LPIN2: variants seen among roughly 807,000 people sequenced by gnomAD.
The protein encoded by LPIN2 is lipin 2.
LPIN2 carries 55 observed loss-of-function variants against 111.4 expected under a neutral mutation model. That is an observed-to-expected ratio of 0.49 (90% CI 0.40 to 0.62). The LOEUF is 0.62. Ranked by LOEUF, LPIN2 falls within the 20% of genes least tolerant of loss-of-function variation. LPIN2 has a pLI of 0.00. For missense variants in LPIN2, 992 were observed against 1,112.1 expected (o/e 0.89, Z 1.54); for synonymous variants, 425 against 414.0 (o/e 1.03, Z -0.32).
chr18:2,966,864 G>A (rs189577430), intron 1 of LPIN2, among the ~76,000 whole-genome samples: 5 of 152,162 alleles, frequency 3.3e-5, no homozygotes, highest in Non-Finnish European at 7.3e-5. Context: ...TTTTACCAAA[G>A]AACATGCCAT....
At chr18:2,947,426 C>T (rs1216971017) in intron 4 of LPIN2, among the ~76,000 whole-genome samples, 1 of 152,142 alleles carries the variant, frequency 6.6e-6, no homozygotes, top group Non-Finnish European at 1.5e-5. Context: ...TTAAGCCCAA[C>T]GCCCATCTTT....
chr18:2,960,174 ATGTGTG>A (rs59457524), intron 2 of LPIN2, among the ~76,000 whole-genome samples: 4,827 of 136,552 alleles, frequency 0.035, 102 homozygotes, highest in Admixed American at 0.044. Context: ...CGACTCAAAA[ATGTGTG>A]TGTGTGTGTG....
chr18:2,993,858 C>G (rs2078302357), intron 1 of LPIN2, among the ~76,000 whole-genome samples: 3 of 152,224 alleles, frequency 2.0e-5, no homozygotes, highest in Non-Finnish European at 2.9e-5. Context: ...ACATGCAAAC[C>G]AGCAGCATAC....
Position 2,925,633 on chromosome 18 carries a change from G to A in LPIN2, c.1794-265C>T, listed in dbSNP as rs932785220. ...CTGCTATGCCCAGTGAATGCTAGAAGGTCTACTGACTCTTGTTGAAGAGGG... is the reference window on the plus strand; with the variant it reads ...CTGCTATGCCCAGTGAATGCTAGAAAGTCTACTGACTCTTGTTGAAGAGGG... On this transcript the variant is annotated intron_variant, in intron 13 of 19. Transcript: ENST00000677752. This position sits in a 1 kb window ranked among gnomAD's most constrained non-coding sequence, Gnocchi z 4.1. Among the ~76,000 whole-genome samples the A allele has an allele frequency of 5.9e-5, 9 of 152,168 alleles. No homozygotes were observed. Among genetic ancestry groups the A allele is most frequent in the African/African-American group, 2.2e-4 (9 of 41,442 alleles).
At chr18:3,004,295 C>T (rs2078478362) in intron 1 of LPIN2, among the ~76,000 whole-genome samples, 1 of 152,112 alleles carries the variant, frequency 6.6e-6, no homozygotes, top group African/African-American at 2.4e-5. Flanking sequence ...CTTTTAAAAT[C>T]CCTAATAAAA....
At chr18:2,938,793 T>G (rs1410882809) in intron 6 of LPIN2, among the ~76,000 whole-genome samples, 1 of 152,198 alleles carries the variant, frequency 6.6e-6, no homozygotes, top group African/African-American at 2.4e-5. Context: ...CTCAAGAAAT[T>G]TATCTTCTCA....
chr18:2,986,671 C>T (rs1191079345), intron 1 of LPIN2, among the ~76,000 whole-genome samples: 1 of 152,022 alleles, frequency 6.6e-6, no homozygotes, highest in South Asian at 2.1e-4. Flanking sequence ...GTTTAAGGAG[C>T]TTAGGACCAA....
chr18:2,982,096 G>C (rs2078119867), intron 1 of LPIN2, among the ~76,000 whole-genome samples: 1 of 152,080 alleles, frequency 6.6e-6, no homozygotes, highest in Non-Finnish European at 1.5e-5. Flanking sequence ...TTTGTAACAA[G>C]AGAGAAAACT....
At chr18:2,994,851 T>G (rs2078318048) in intron 1 of LPIN2, among the ~76,000 whole-genome samples, 1 of 152,176 alleles carries the variant, frequency 6.6e-6, no homozygotes, top group Non-Finnish European at 1.5e-5. Flanking sequence ...ACCACTGGTT[T>G]AAACAGATGG....
chr18:2,963,217 C>T (rs2077739417), intron 1 of LPIN2, among the ~76,000 whole-genome samples: 1 of 152,140 alleles, frequency 6.6e-6, no homozygotes, highest in Non-Finnish European at 1.5e-5. Context: ...CTAGAAGGGT[C>T]ACCCCAACAG....
chr18:2,974,206 A>T (rs1290156647), intron 1 of LPIN2, among the ~76,000 whole-genome samples: 1 of 152,116 alleles, frequency 6.6e-6, no homozygotes. Flanking sequence ...CCTCCTCAGT[A>T]GCTGGGATTA....
chr18:2,940,478 A>G (rs1196444876), intron 5 of LPIN2, 127 bp downstream of exon 5: 5 of 639,052 alleles, frequency 7.8e-6, no homozygotes, highest in Non-Finnish European at 1.1e-5. Context: ...TTTATGTTAC[A>G]AGTAAACATT....
At position 2,920,042 on chromosome 18, in the gene LPIN2, G is replaced by A. The variant is rs563023966; in HGVS notation, c.*251C>T. 5.2e-4 allele frequency: 298 copies of A among 573,668 alleles called. No homozygotes were observed. The highest frequency in any genetic ancestry group is 2.7e-3 in the African/African-American group (144 of 53,414). 35.5% of individuals were successfully genotyped at this position (573,668 alleles called of 1,614,324 possible). ...AGCTCACAGCAGGAAACATGTGTGC[G>A]ACCCACAAAGGAGGGATCCCAGGCC... is the stretch of plus-strand genomic sequence containing the variant. On this transcript the variant is annotated 3_prime_UTR_variant, in exon 20 of 20. Transcript: ENST00000677752.
chr18:2,946,954 G>T, intron 4 of LPIN2: 1 of 240,956 alleles, frequency 4.2e-6, no homozygotes, highest in Non-Finnish European at 8.2e-6. Context: ...ACGAAGGAGA[G>T]AAAAGGCAGG....
chr18:2,941,986 T>C (rs1458171138), intron 4 of LPIN2, among the ~76,000 whole-genome samples: 1 of 152,224 alleles, frequency 6.6e-6, no homozygotes, highest in Non-Finnish European at 1.5e-5. Flanking sequence ...AGGCTTCTTA[T>C]AGAAAATTCA....
chr18:3,010,248 TCA>T (rs3831397), intron 1 of LPIN2, among the ~76,000 whole-genome samples: 22,434 of 152,178 alleles, frequency 0.15, 1,649 homozygotes, highest in East Asian at 0.23. Context: ...ATTCCAAAAA[TCA>T]CAGTTAATTA....
At chr18:2,923,399 G>A (rs1359266525) in intron 16 of LPIN2, among the ~76,000 whole-genome samples, 2 of 65,500 alleles carry the variant, frequency 3.1e-5, no homozygotes, top group East Asian at 3.4e-4. Context: ...CAGCCTGGGC[G>A]ACAAGAGCAA....
chr18:2,927,661 T>G (rs1362960297), intron 12 of LPIN2, 61 bp downstream of exon 12: 5 of 1,573,504 alleles, frequency 3.2e-6, no homozygotes, highest in East Asian at 2.2e-5. Context: ...AAAGGTTTTT[T>G]GAATAAATGA....
At chr18:2,939,407 T>C in intron 6 of LPIN2, 73 bp downstream of exon 6, 1 of 1,591,572 alleles carries the variant, frequency 6.3e-7, no homozygotes, top group South Asian at 1.1e-5. Context: ...TTGCCTCCTT[T>C]ACTTATGGGC....
Sources: allele counts gnomAD v4.1 joint callset (sites outside exome capture counted in the v4.1 genomes callset), GRCh38; gene constraint gnomAD v4.1.1; non-coding constraint Gnocchi (gnomAD v3.1); transcripts MANE v1.5; gene names NCBI Gene and HGNC (gene_info 2026-07-23, HGNC 2026-07-21).